DNM2: variants seen among roughly 807,000 people sequenced by gnomAD.
The protein encoded by DNM2 is dynamin-2.
Under a neutral mutation model 99.0 loss-of-function variants are expected in DNM2, and 15 were observed. The ratio of observed to expected loss-of-function variants is 0.15; its 90% CI spans 0.10 to 0.23. The LOEUF is 0.23. DNM2 is among the 10% of genes least tolerant of loss of function. DNM2 has a pLI of 1.00. For synonymous variants in DNM2, 525 were observed against 481.2 expected (o/e 1.09, Z -1.19); for missense variants, 742 against 1,189.4 (o/e 0.62, Z 5.53).
rs778469445 is a variant in DNM2, at chr19:10,808,589, A to T, written c.1557+9A>T. 1.9e-6 allele frequency: 3 copies of T among 1,612,226 alleles called. No individual in the cohort carries two copies. Among genetic ancestry groups the T allele is most frequent in the Non-Finnish European group, 2.5e-6 (3 of 1,179,216 alleles). On this transcript the variant is annotated intron_variant, in intron 14 of 20. Transcript: ENST00000389253. ...CAAAGGGGGAGATCCTGGTAAGTAC[A>T]TGCTTAGTGTGGTAGCAAACATTAG...
At position 10,820,103 on chromosome 19, in the gene DNM2, G is replaced by A; in HGVS notation, c.1781+14G>A. 1 of 1,613,870 alleles carries A rather than the reference G, an allele frequency of 6.2e-7. No individual in the cohort carries two copies. Among genetic ancestry groups the A allele is most frequent in the Non-Finnish European group, 8.5e-7 (1 of 1,179,854 alleles). The stretch of plus-strand genomic sequence containing the variant: ...CACGGAGCAGAGGTGAGGGGCCCAG[G>A]GGCCTGGGGATGGCTCGGGGTGAAG... On this transcript the variant is annotated intron_variant, in intron 16 of 20. Coordinates refer to ENST00000389253, the MANE Select transcript of DNM2 (RefSeq NM_001005361.3). The surrounding 1 kb of genome is among the most constrained non-coding windows in gnomAD (Gnocchi z 4.3).
chr19:10,755,332 A>AC (rs1243555285), intron 1 of DNM2: 1 of 152,192 alleles, frequency 6.6e-6, no homozygotes, highest in Non-Finnish European at 1.5e-5. Context: ...GACATCTTCC[A>AC]CTTGCACACT....
chr19:10,773,106 A>G (rs1448157965), intron 3 of DNM2, among the ~76,000 whole-genome samples: 2 of 150,418 alleles, frequency 1.3e-5, no homozygotes, highest in Non-Finnish European at 2.9e-5. Context: ...CAGCCGCCCA[A>G]GTAGCTGGGA....
intron 1 of DNM2, among the ~76,000 whole-genome samples, chr19:10,758,728 G>C (rs1255331057): frequency 6.6e-6 from 1 of 151,434 alleles, no homozygotes; most frequent in Non-Finnish European, 1.5e-5. Flanking sequence ...TGTATTTTTA[G>C]TAGAGACGGG....
intron 2 of DNM2, among the ~76,000 whole-genome samples, chr19:10,761,012 C>T: frequency 6.6e-6 from 1 of 151,402 alleles, no homozygotes; most frequent in African/African-American, 2.4e-5. Context: ...TTTTTTGAGA[C>T]AAAGTCTTGC....
intron 10 of DNM2, among the ~76,000 whole-genome samples, chr19:10,798,065 G>A (rs369964102): frequency 6.6e-6 from 1 of 152,106 alleles, no homozygotes; most frequent in African/African-American, 2.4e-5. Context: ...AGTTCCTATC[G>A]AGGCTGATGG....
intron 9 of DNM2, among the ~76,000 whole-genome samples, chr19:10,797,098 A>T (rs2071962104): frequency 6.6e-6 from 1 of 152,100 alleles, no homozygotes; most frequent in South Asian, 2.1e-4. Flanking sequence ...TGTCATGGAC[A>T]TGAATGTTAG....
chr19:10,746,588 T>G (rs978868803), intron 1 of DNM2, among the ~76,000 whole-genome samples: 1 of 151,798 alleles, frequency 6.6e-6, no homozygotes, highest in East Asian at 2.0e-4. Flanking sequence ...ACCTGGCTAA[T>G]TTTGTATTTT....
chr19:10,766,344 C>T (rs2070795386), intron 2 of DNM2, among the ~76,000 whole-genome samples: 1 of 152,094 alleles, frequency 6.6e-6, no homozygotes, highest in Non-Finnish European at 1.5e-5. Flanking sequence ...ACAGGAGGCT[C>T]CGAAGACCTC....
chr19:10,728,002 C>T (rs1046679535), intron 1 of DNM2, among the ~76,000 whole-genome samples: 6 of 152,114 alleles, frequency 3.9e-5, no homozygotes, highest in African/African-American at 9.7e-5. Context: ...TGTGGCCCTG[C>T]GTCTGAAGCA....
intron 1 of DNM2, among the ~76,000 whole-genome samples, chr19:10,758,307 CTCCCTCCTTCCT>C (rs2070474448): frequency 1.1e-5 from 1 of 93,306 alleles, no homozygotes; most frequent in South Asian, 4.1e-4. Flanking sequence ...CCCTCCTTCC[CTCCCTCCTTCCT>C]TCCCTCCCTC....
intron 15 of DNM2, among the ~76,000 whole-genome samples, chr19:10,815,510 G>T (rs972786562): frequency 6.6e-6 from 1 of 152,210 alleles, no homozygotes; most frequent in Non-Finnish European, 1.5e-5. Flanking sequence ...CCAGGACTGT[G>T]CCTGGCTCAC....
chr19:10,787,303 A>G lies in DNM2; in HGVS notation c.992+597A>G, dbSNP rs114937422. ...AACGTGGTGAAACCCCATCACTACC[A>G]AAAAAAAAATACAAAAAACTAGCCA... On this transcript the variant is annotated intron_variant, in intron 7 of 20. Transcript: ENST00000389253. 9.0e-3 allele frequency among the ~76,000 whole-genome samples: 1,286 copies of G among 142,774 alleles called. 12 individuals are homozygous for G. The highest frequency in any genetic ancestry group is 0.03 in the African/African-American group (1,221 of 40,408). 93.7% of individuals were successfully genotyped at this position (142,774 alleles called of 152,430 possible).
chr19:10,823,779 C>A lies in DNM2; in HGVS notation c.1782-9C>A. On this transcript the variant is annotated splice_polypyrimidine_tract_variant and intron_variant, in intron 16 of 20. Transcript: ENST00000389253. ...AAGCTTGTGCCCCTCCTTCCCCACC[C>A]CCCCGCAGAAACGTCTACAAGGACC... 5.0e-6 allele frequency: 8 copies of A among 1,613,398 alleles called. No homozygotes were observed. Among genetic ancestry groups the A allele is most frequent in the African/African-American group, 1.3e-5 (1 of 75,020 alleles).
chr19:10,783,693 A>ATTTT (rs1177838790), intron 6 of DNM2, among the ~76,000 whole-genome samples: 1 of 131,980 alleles, frequency 7.6e-6, no homozygotes, highest in Non-Finnish European at 1.7e-5. Context: ...TATTATTATT[A>ATTTT]TTATTATTAT....
At chr19:10,729,558 C>T (rs950507754) in intron 1 of DNM2, among the ~76,000 whole-genome samples, 3 of 152,128 alleles carry the variant, frequency 2.0e-5, no homozygotes, top group Admixed American at 6.6e-5. Flanking sequence ...CTCGCACACA[C>T]CCGGCCCGCT....
At chr19:10,733,299 C>T (rs567301554) in intron 1 of DNM2, among the ~76,000 whole-genome samples, 1 of 149,430 alleles carries the variant, frequency 6.7e-6, no homozygotes, top group African/African-American at 2.5e-5. Flanking sequence ...TCAAACCATT[C>T]TCCCACCACA....
intron 1 of DNM2, among the ~76,000 whole-genome samples, chr19:10,752,432 G>A (rs1281132387): frequency 1.3e-5 from 2 of 152,218 alleles, no homozygotes; most frequent in African/African-American, 2.4e-5. Context: ...TGAGCTGGGC[G>A]CTGGTGGCGT....
intron 17 of DNM2, chr19:10,824,750 G>A (rs777271927): frequency 4.2e-5 from 18 of 425,674 alleles, no homozygotes; most frequent in Non-Finnish European, 5.3e-5. Context: ...TTGAGGCTGC[G>A]GTGAACTGTG....
Sources: allele counts gnomAD v4.1 joint callset (sites outside exome capture counted in the v4.1 genomes callset), GRCh38; gene constraint gnomAD v4.1.1; non-coding constraint Gnocchi (gnomAD v3.1); transcripts MANE v1.5; gene names NCBI Gene and HGNC (gene_info 2026-07-23, HGNC 2026-07-21).